Variants in CDC73 observed in about 807,000 individuals in gnomAD.
CDC73 encodes cell division cycle 73.
In CDC73, 21 loss-of-function variants were observed where a neutral mutation model predicts 83.7. The ratio of observed to expected loss-of-function variants is 0.25; its 90% CI spans 0.18 to 0.36. The LOEUF is 0.36. Among genes scored for constraint, CDC73 ranks in the 10% least tolerant of loss-of-function variants. CDC73 has a pLI of 1.00. For synonymous variants in CDC73, 224 were observed against 212.9 expected (o/e 1.05, Z -0.45); for missense variants, 342 against 653.3 (o/e 0.52, Z 5.19).
chr1:193,134,197 T>C (rs911025147), intron 3 of CDC73, among the ~76,000 whole-genome samples: 14 of 152,144 alleles, frequency 9.2e-5, no homozygotes, highest in African/African-American at 3.4e-4. Flanking sequence ...AACTTGCCAT[T>C]ATATATAATA....
At chr1:193,130,313 T>C in intron 3 of CDC73, 70 bp downstream of exon 3, 1 of 964,174 alleles carries the variant, frequency 1.0e-6, no homozygotes. Flanking sequence ...GAAATAATGA[T>C]TAGAGGGAAG....
chr1:193,253,017 G>C lies in CDC73; in HGVS notation c.*2305G>C, dbSNP rs1258314878. 4.3e-6 allele frequency: 1 copy of C among 231,824 alleles called. No homozygotes were observed. Among genetic ancestry groups the C allele is most frequent in the African/African-American group, 2.2e-5 (1 of 45,266 alleles). The allele number at this position is 231,824 out of a possible 1,614,324, so 14.4% of individuals were successfully genotyped here. A position where few individuals can be genotyped will look rare whatever the true frequency, so the allele number is the denominator to read the frequency against. The stretch of plus-strand genomic sequence containing the variant: ...GAAATGAAGTATAAATTAATAACTT[G>C]ACTTACCCCTCCATAAGTTACTGCT... On this transcript the variant is annotated 3_prime_UTR_variant, in exon 17 of 17. Coordinates refer to ENST00000367435, the MANE Select transcript of CDC73 (RefSeq NM_024529.5).
At chr1:193,167,226 A>G (rs755483315) in intron 10 of CDC73, among the ~76,000 whole-genome samples, 4 of 152,182 alleles carry the variant, frequency 2.6e-5, no homozygotes, top group Non-Finnish European at 4.4e-5. Context: ...TTTGTTTGGT[A>G]GCATCAGCAT....
At chr1:193,145,889 G>T (rs1572157219) in intron 7 of CDC73, among the ~76,000 whole-genome samples, 1 of 152,244 alleles carries the variant, frequency 6.6e-6, no homozygotes, top group South Asian at 2.1e-4. Context: ...AGGTGCATTG[G>T]TCCTAGCTCT....
At chr1:193,219,589 C>G (rs1045796853) in intron 13 of CDC73, among the ~76,000 whole-genome samples, 5 of 152,074 alleles carry the variant, frequency 3.3e-5, no homozygotes, top group African/African-American at 1.2e-4. Flanking sequence ...TCCTTTGCAG[C>G]AACATGGATG....
intron 1 of CDC73, among the ~76,000 whole-genome samples, chr1:193,124,421 G>A (rs941525767): frequency 3.3e-5 from 5 of 152,180 alleles, no homozygotes; most frequent in Non-Finnish European, 7.3e-5. Flanking sequence ...CTAGAAGGTA[G>A]AAAAGTAGGT....
chr1:193,161,798 ATAT>A (rs1465467989), intron 10 of CDC73, among the ~76,000 whole-genome samples: 1 of 15,382 alleles, frequency 6.5e-5, no homozygotes, highest in East Asian at 1.1e-3. Flanking sequence ...AATATATATC[ATAT>A]TATATTGTAT....
intron 10 of CDC73, chr1:193,180,229 A>G (rs549291093): frequency 1.5e-6 from 2 of 1,364,168 alleles, no homozygotes; most frequent in East Asian, 2.4e-5. Flanking sequence ...GGATGTAATC[A>G]GTTCTAACTA....
chr1:193,129,687 C>T (rs1279399759), intron 2 of CDC73, among the ~76,000 whole-genome samples: 1 of 149,484 alleles, frequency 6.7e-6, no homozygotes, highest in Non-Finnish European at 1.5e-5. Flanking sequence ...TAATTTTTGT[C>T]TTTTTAGTAG....
At chr1:193,174,391 C>T (rs555348898) in intron 10 of CDC73, among the ~76,000 whole-genome samples, 2 of 152,020 alleles carry the variant, frequency 1.3e-5, no homozygotes, top group Admixed American at 6.6e-5. Context: ...AAGGTAGAAA[C>T]TATGTCTTTC....
chr1:193,222,230 G>T (rs747859261), intron 13 of CDC73, among the ~76,000 whole-genome samples: 1 of 152,126 alleles, frequency 6.6e-6, no homozygotes, highest in African/African-American at 2.4e-5. Context: ...AGCCACATGG[G>T]GCCGAGTTCC....
intron 7 of CDC73, among the ~76,000 whole-genome samples, chr1:193,147,398 C>T (rs1250153950): frequency 7.4e-6 from 1 of 135,842 alleles, no homozygotes; most frequent in East Asian, 2.2e-4. Context: ...GATGGAGTCT[C>T]GTTCTATTGC....
Position 193,251,030 on chromosome 1 carries a change from T to C in CDC73, c.*318T>C. On this transcript the variant is annotated 3_prime_UTR_variant, in exon 17 of 17. Transcript: ENST00000367435. ...TATAAATGTGTGTATATTTAGAGATTATAAGGCTCTCTGAGCCATCTTCTG... is the reference window on the plus strand; with the variant it reads ...TATAAATGTGTGTATATTTAGAGATCATAAGGCTCTCTGAGCCATCTTCTG... The C allele has an allele frequency of 3.0e-6, 1 of 332,390 alleles. No homozygotes were observed. The highest frequency in any genetic ancestry group is 5.5e-6 in the Non-Finnish European group (1 of 180,746). 20.6% of individuals were successfully genotyped at this position (332,390 alleles called of 1,614,324 possible).
chr1:193,249,941 T>C, intron 16 of CDC73, 70 bp downstream of exon 16: 1 of 1,437,044 alleles, frequency 7.0e-7, no homozygotes, highest in Non-Finnish European at 9.8e-7. Flanking sequence ...AAATTTTAAG[T>C]TCCATAGAGT....
chr1:193,138,408 G>C (rs566147413), intron 6 of CDC73, among the ~76,000 whole-genome samples: 6 of 152,114 alleles, frequency 3.9e-5, no homozygotes, highest in African/African-American at 1.4e-4. Context: ...TAAAAATTGC[G>C]TTATAAGCTG....
intron 7 of CDC73, among the ~76,000 whole-genome samples, chr1:193,145,586 GTTTTCTTATT>G: frequency 6.6e-6 from 1 of 151,992 alleles, no homozygotes; most frequent in East Asian, 1.9e-4. Context: ...ATGGAATCTT[GTTTTCTTATT>G]TTTAAAAGAA....
intron 15 of CDC73, among the ~76,000 whole-genome samples, chr1:193,244,163 T>A (rs1572222653): frequency 1.3e-5 from 2 of 152,350 alleles, no homozygotes; most frequent in East Asian, 3.9e-4. Context: ...CTGGGATGAT[T>A]CAACTTGATT....
chr1:193,123,308 A>T (rs946432411), intron 1 of CDC73, among the ~76,000 whole-genome samples: 1 of 152,162 alleles, frequency 6.6e-6, no homozygotes, highest in African/African-American at 2.4e-5. Flanking sequence ...GCTCACTGCA[A>T]TCTTTGCCTC....
chr1:193,131,503 T>C (rs940406221), intron 3 of CDC73, among the ~76,000 whole-genome samples: 1 of 152,184 alleles, frequency 6.6e-6, no homozygotes, highest in African/African-American at 2.4e-5. Context: ...GTCCTGCTTT[T>C]GAAAAAGTAT....
Sources: allele counts gnomAD v4.1 joint callset (sites outside exome capture counted in the v4.1 genomes callset), GRCh38; gene constraint gnomAD v4.1.1; transcripts MANE v1.5; gene names NCBI Gene and HGNC (gene_info 2026-07-23, HGNC 2026-07-21).